GPR89B: variants seen among roughly 807,000 people sequenced by gnomAD.
GPR89B encodes the protein G protein-coupled receptor 89B.
Under a neutral mutation model 52.4 loss-of-function variants are expected in GPR89B, and 25 were observed. The observed-to-expected ratio is 0.48, with a 90% CI of 0.35 to 0.67. The LOEUF (loss-of-function observed/expected upper bound fraction) is 0.67. GPR89B is among the 30% of genes least tolerant of loss of function. The pLI is 0.01. For missense variants in GPR89B, 146 were observed against 450.2 expected (o/e 0.32, Z 6.11); for synonymous variants, 52 against 151.2 (o/e 0.34, Z 4.81).
At chr1:147,952,562 A>T (rs1170786685) in intron 5 of GPR89B, among the ~76,000 whole-genome samples, 2 of 152,160 alleles carry the variant, frequency 1.3e-5, no homozygotes, top group Non-Finnish European at 2.9e-5. Flanking sequence ...CTGGCATTTG[A>T]CCATAGGAGT....
chr1:148,002,038 C>CCTTTTTTTTT, the GPR89B span, among the ~76,000 whole-genome samples: 2 of 130,048 alleles, frequency 1.5e-5, no homozygotes, highest in Admixed American at 7.7e-5. Flanking sequence ...CCAGATGCTG[C>CCTTTTTTTTT]TTTTTTTTTT....
the GPR89B span, among the ~76,000 whole-genome samples, chr1:148,016,851 T>A: frequency 3.4e-4 from 51 of 150,014 alleles, no homozygotes; most frequent in Middle Eastern, 3.4e-3. Flanking sequence ...TCTTTTCATT[T>A]AAAAAAAAAT....
chr1:148,013,174 A>T, the GPR89B span, among the ~76,000 whole-genome samples: 1 of 152,196 alleles, frequency 6.6e-6, no homozygotes, highest in East Asian at 1.9e-4. Context: ...TTGGAGGCAC[A>T]AAAGGAAGAT....
downstream of GPR89B, among the ~76,000 whole-genome samples, chr1:147,996,067 T>G (rs1659309541): frequency 6.6e-6 from 1 of 152,074 alleles, no homozygotes; most frequent in East Asian, 1.9e-4. Context: ...GGCTATAACT[T>G]CCATATTCAC....
intron 5 of GPR89B, among the ~76,000 whole-genome samples, chr1:147,953,106 A>G (rs1655849557): frequency 7.0e-6 from 1 of 143,494 alleles, no homozygotes; most frequent in Admixed American, 7.0e-5. Context: ...TATTGTTGTT[A>G]TTATTTTACT....
At chr1:147,959,112 G>A (rs1342208042) in intron 7 of GPR89B, among the ~76,000 whole-genome samples, 1 of 152,164 alleles carries the variant, frequency 6.6e-6, no homozygotes, top group Non-Finnish European at 1.5e-5. Flanking sequence ...ACAGTAGAGG[G>A]CCATAGTGAG....
chr1:148,015,953 C>T, the GPR89B span, among the ~76,000 whole-genome samples: 3 of 151,916 alleles, frequency 2.0e-5, no homozygotes, highest in East Asian at 5.8e-4. Context: ...TTTAACTGAA[C>T]ACAGTCAACC....
the GPR89B span, among the ~76,000 whole-genome samples, chr1:148,009,188 GGAGT>G: frequency 6.6e-6 from 1 of 152,200 alleles, no homozygotes; most frequent in Non-Finnish European, 1.5e-5. Flanking sequence ...GGGCAGGGAG[GGAGT>G]GAGAGACGGA....
chr1:147,979,171 T>G (rs1658058084), intron 10 of GPR89B, among the ~76,000 whole-genome samples: 1 of 152,126 alleles, frequency 6.6e-6, no homozygotes, highest in African/African-American at 2.4e-5. Flanking sequence ...CCGTGGGTTG[T>G]GCCAACTGCC....
At chr1:148,004,626 G>A in the GPR89B span, among the ~76,000 whole-genome samples, 2 of 115,214 alleles carry the variant, frequency 1.7e-5, no homozygotes, top group South Asian at 3.6e-4. Context: ...AAGGGTCCAC[G>A]TCAAAAAATC....
chr1:147,968,782 T>G (rs1657215163), intron 8 of GPR89B, 93 bp from the exon 9 acceptor site: 25 of 1,598,350 alleles, frequency 1.6e-5, no homozygotes, highest in Non-Finnish European at 2.1e-5. Flanking sequence ...ACTCCGGGAA[T>G]CCACTGTAGG....
the GPR89B span, among the ~76,000 whole-genome samples, chr1:148,003,114 C>T: frequency 6.6e-6 from 1 of 152,128 alleles, no homozygotes; most frequent in Non-Finnish European, 1.5e-5. Context: ...TATTCTTTCT[C>T]CAAGGCACTG....
At chr1:148,012,601 C>T in the GPR89B span, among the ~76,000 whole-genome samples, 1 of 150,774 alleles carries the variant, frequency 6.6e-6, no homozygotes, top group South Asian at 2.1e-4. Flanking sequence ...AGAACACTGA[C>T]ATATAGTTAC....
the GPR89B span, among the ~76,000 whole-genome samples, chr1:148,017,489 C>T: frequency 6.7e-6 from 1 of 150,200 alleles, no homozygotes; most frequent in East Asian, 2.0e-4. Flanking sequence ...AATCCCAGCA[C>T]TTTGGGAGGC....
At chr1:147,929,500 G>A (rs1409510236) in intron 1 of GPR89B, among the ~76,000 whole-genome samples, 5 of 152,172 alleles carry the variant, frequency 3.3e-5, no homozygotes, top group African/African-American at 1.2e-4. Flanking sequence ...GTGAAGCTCA[G>A]ACTGCCTGTT....
chr1:147,933,219 C>G (rs1321955129), intron 1 of GPR89B, among the ~76,000 whole-genome samples: 3 of 150,936 alleles, frequency 2.0e-5, no homozygotes, highest in Admixed American at 2.0e-4. Flanking sequence ...AGCCTATTAT[C>G]TAATGTTTTC....
At chr1:147,953,122 C>T (rs1321073602) in intron 5 of GPR89B, among the ~76,000 whole-genome samples, 7 of 147,880 alleles carry the variant, frequency 4.7e-5, no homozygotes, top group Admixed American at 2.7e-4. Flanking sequence ...TTACTGCTAT[C>T]ACCCAATAAA....
intron 7 of GPR89B, among the ~76,000 whole-genome samples, chr1:147,963,370 C>A (rs1453779337): frequency 1.4e-5 from 2 of 141,974 alleles, no homozygotes; most frequent in South Asian, 2.2e-4. Flanking sequence ...AGCAAGACTC[C>A]TTCTTAAAAA....
chr1:147,944,820 A>G (rs1281384474), intron 5 of GPR89B, among the ~76,000 whole-genome samples: 6 of 147,126 alleles, frequency 4.1e-5, no homozygotes, highest in Non-Finnish European at 9.0e-5. Context: ...AAAAGATTAG[A>G]GAATCTATCT....
Sources: allele counts gnomAD v4.1 joint callset (sites outside exome capture counted in the v4.1 genomes callset), GRCh38; gene constraint gnomAD v4.1.1; transcripts MANE v1.5; gene names NCBI Gene and HGNC (gene_info 2026-07-23, HGNC 2026-07-21).